The following PTPRT variants were observed in gnomAD, a reference collection of about 807,000 sequenced individuals.
PTPRT encodes receptor-type tyrosine-protein phosphatase T.
PTPRT carries 56 observed loss-of-function variants against 176.8 expected under a neutral mutation model. That is an observed-to-expected ratio of 0.32 (90% CI 0.26 to 0.40). PTPRT has a LOEUF of 0.40. Among genes scored for constraint, PTPRT ranks in the 10% least tolerant of loss-of-function variants. The pLI is 1.00. For missense variants in PTPRT, 1,540 were observed against 1,908.2 expected (o/e 0.81, Z 3.60); for synonymous variants, 783 against 739.0 (o/e 1.06, Z -0.96).
At chr20:42,677,578 A>G (rs2075527814) in intron 7 of PTPRT, among the ~76,000 whole-genome samples, 1 of 152,158 alleles carries the variant, frequency 6.6e-6, no homozygotes, top group Non-Finnish European at 1.5e-5. Flanking sequence ...CTCATCAGAA[A>G]CACTATTAGA....
intron 7 of PTPRT, among the ~76,000 whole-genome samples, chr20:42,494,198 G>A (rs2071609537): frequency 6.6e-6 from 1 of 152,088 alleles, no homozygotes. Context: ...AAATAATGAT[G>A]AGATCACTGC....
At chr20:42,523,282 T>A (rs934412591) in intron 7 of PTPRT, among the ~76,000 whole-genome samples, 1 of 152,338 alleles carries the variant, frequency 6.6e-6, no homozygotes, top group East Asian at 1.9e-4. Flanking sequence ...ACCATGCAGA[T>A]CTTGTAGCTG....
At chr20:43,153,194 T>C (rs996413198) in intron 1 of PTPRT, among the ~76,000 whole-genome samples, 4 of 152,196 alleles carry the variant, frequency 2.6e-5, no homozygotes, top group African/African-American at 7.2e-5. Context: ...TTGAGATACA[T>C]AGTGGACACC....
intron 1 of PTPRT, among the ~76,000 whole-genome samples, chr20:43,158,770 G>A (rs1268210996): frequency 1.3e-5 from 2 of 152,184 alleles, no homozygotes; most frequent in African/African-American, 2.4e-5. Context: ...TGAACATGGA[G>A]TCAGAAAATC....
intron 7 of PTPRT, among the ~76,000 whole-genome samples, chr20:42,573,883 G>A (rs2073208248): frequency 6.6e-6 from 1 of 151,788 alleles, no homozygotes; most frequent in South Asian, 2.1e-4. Flanking sequence ...GGAGTAGCTG[G>A]GATTACAGGC....
intron 4 of PTPRT, among the ~76,000 whole-genome samples, chr20:42,773,274 G>A (rs1223661255): frequency 2.0e-5 from 3 of 152,168 alleles, no homozygotes; most frequent in East Asian, 3.8e-4. Context: ...AAGAATCTTG[G>A]AACAATTAGG....
intron 15 of PTPRT, among the ~76,000 whole-genome samples, chr20:42,201,950 C>CGTGTGTGTGTGTGTGTGTGTGT (rs11468258): frequency 0.049 from 7,059 of 143,058 alleles, 261 homozygotes; most frequent in Middle Eastern, 0.075. Flanking sequence ...AGAAAAGTTG[C>CGTGTGTGTGTGTGTGTGTGTGT]GTGTGTGTGT....
At chr20:42,597,048 AG>A (rs1331748718) in intron 7 of PTPRT, among the ~76,000 whole-genome samples, 1 of 152,196 alleles carries the variant, frequency 6.6e-6, no homozygotes, top group Admixed American at 6.5e-5. Context: ...TCTCCGCTCA[AG>A]GTCCCACAAA....
intron 2 of PTPRT, among the ~76,000 whole-genome samples, chr20:42,815,497 CACA>C (rs2077767612): frequency 6.6e-6 from 1 of 152,298 alleles, no homozygotes; most frequent in South Asian, 2.1e-4. Flanking sequence ...TTTGCTTCAG[CACA>C]ACAAGGAAAC....
At chr20:42,669,313 C>G (rs1287603888) in intron 7 of PTPRT, among the ~76,000 whole-genome samples, 1 of 152,136 alleles carries the variant, frequency 6.6e-6, no homozygotes, top group Non-Finnish European at 1.5e-5. Context: ...TGAAAGTCCC[C>G]TCCTTCCCTA....
At chr20:42,765,366 C>T (rs1054586621) in intron 5 of PTPRT, among the ~76,000 whole-genome samples, 5 of 152,092 alleles carry the variant, frequency 3.3e-5, no homozygotes, top group African/African-American at 7.2e-5. Context: ...TCTAAACATG[C>T]TTCTGGATGA....
intron 9 of PTPRT, among the ~76,000 whole-genome samples, chr20:42,412,468 A>G (rs2059027584): frequency 6.6e-6 from 1 of 152,190 alleles, no homozygotes; most frequent in South Asian, 2.1e-4. Flanking sequence ...TACAGTGCAA[A>G]ATGGTACAAC....
At chr20:43,039,039 A>C (rs1337615625) in intron 1 of PTPRT, among the ~76,000 whole-genome samples, 3 of 152,186 alleles carry the variant, frequency 2.0e-5, no homozygotes, top group Non-Finnish European at 4.4e-5. Flanking sequence ...ACGCAGAGCC[A>C]ACCAAAGTTC....
At chr20:43,104,492 T>G (rs1386723069) in intron 1 of PTPRT, among the ~76,000 whole-genome samples, 1 of 152,194 alleles carries the variant, frequency 6.6e-6, no homozygotes, top group African/African-American at 2.4e-5. Flanking sequence ...GGCAAGCTAT[T>G]TAACCCCCCT....
At chr20:42,470,867 C>T (rs1893969415) in intron 8 of PTPRT, among the ~76,000 whole-genome samples, 1 of 151,214 alleles carries the variant, frequency 6.6e-6, no homozygotes, top group Admixed American at 6.6e-5. Context: ...TTCTTGGAGT[C>T]TCAAGTTATG....
intron 1 of PTPRT, among the ~76,000 whole-genome samples, chr20:43,077,344 G>A (rs1164301775): frequency 6.6e-6 from 1 of 152,180 alleles, no homozygotes; most frequent in Non-Finnish European, 1.5e-5. Context: ...AAGTGACAAA[G>A]GATGAAGCTG....
intron 2 of PTPRT, among the ~76,000 whole-genome samples, chr20:42,837,725 A>G (rs1466456139): frequency 6.6e-6 from 1 of 152,222 alleles, no homozygotes; most frequent in African/African-American, 2.4e-5. Context: ...CAGTTGCTAC[A>G]CGCAGAACAG....
At chr20:42,297,039 AAAGG>A (rs2057398062) in intron 12 of PTPRT, among the ~76,000 whole-genome samples, 1 of 152,202 alleles carries the variant, frequency 6.6e-6, no homozygotes. Flanking sequence ...AGAAAAGTAA[AAAGG>A]AAGGAATGAA....
chr20:43,054,694 G>A (rs1987170548), intron 1 of PTPRT, among the ~76,000 whole-genome samples: 1 of 151,336 alleles, frequency 6.6e-6, no homozygotes, highest in Admixed American at 6.6e-5. Context: ...CTGATCTCTT[G>A]TTTGGAGAAG....
Sources: allele counts gnomAD v4.1 joint callset (sites outside exome capture counted in the v4.1 genomes callset), GRCh38; gene constraint gnomAD v4.1.1; transcripts MANE v1.5; gene names NCBI Gene and HGNC (gene_info 2026-07-23, HGNC 2026-07-21).